The following IGF2BP3 variants were observed in gnomAD, a reference collection of about 807,000 sequenced individuals.
The protein encoded by IGF2BP3 is insulin like growth factor 2 mRNA binding protein 3.
IGF2BP3 carries 9 observed loss-of-function variants against 73.8 expected under a neutral mutation model. That is an observed-to-expected ratio of 0.12 (90% CI 0.07 to 0.21). The LOEUF is 0.21. IGF2BP3 is among the 10% of genes least tolerant of loss of function. The pLI is 1.00. For synonymous variants in IGF2BP3, 258 were observed against 256.7 expected, an observed-to-expected ratio of 1.01 and a Z score of -0.05; for missense variants, 542 against 714.0, an observed-to-expected ratio of 0.76 and a Z score of 2.75.
intron 2 of IGF2BP3, among the ~76,000 whole-genome samples, chr7:23,441,636 G>GA (rs1350391947): frequency 6.6e-4 from 79 of 120,514 alleles, no homozygotes; most frequent in South Asian, 3.3e-3. Context: ...TAGATTTAGG[G>GA]AAAAAAAAAA....
intron 8 of IGF2BP3, 52 bp downstream of exon 8, chr7:23,345,888 G>C: frequency 6.3e-7 from 1 of 1,588,052 alleles, no homozygotes; most frequent in East Asian, 2.2e-5. Context: ...TACACAACAT[G>C]CAGCTTACAG....
At chr7:23,386,437 A>G (rs1450038249) in intron 3 of IGF2BP3, among the ~76,000 whole-genome samples, 1 of 152,204 alleles carries the variant, frequency 6.6e-6, no homozygotes, top group Non-Finnish European at 1.5e-5. Flanking sequence ...ACCAACAAAA[A>G]ACCACCACAC....
chr7:23,455,399 G>A (rs965162176), intron 2 of IGF2BP3, among the ~76,000 whole-genome samples: 1 of 152,092 alleles, frequency 6.6e-6, no homozygotes, highest in Non-Finnish European at 1.5e-5. Context: ...GGGTGCACAC[G>A]GTTATTAGCC....
intron 3 of IGF2BP3, among the ~76,000 whole-genome samples, chr7:23,390,078 T>G (rs1317714275): frequency 6.6e-6 from 1 of 152,178 alleles, no homozygotes; most frequent in Non-Finnish European, 1.5e-5. Context: ...TGGCTAATAT[T>G]TTGAATTATG....
At chr7:23,381,854 T>C (rs931777041) in intron 3 of IGF2BP3, among the ~76,000 whole-genome samples, 4 of 152,166 alleles carry the variant, frequency 2.6e-5, no homozygotes, top group Non-Finnish European at 4.4e-5. Flanking sequence ...ATTACAGGCT[T>C]GAGCCAATGC....
chr7:23,347,885 A>T (rs1477414848), intron 6 of IGF2BP3, 151 bp from the exon 7 acceptor site: 7 of 802,978 alleles, frequency 8.7e-6, no homozygotes, highest in African/African-American at 5.3e-5. Flanking sequence ...TAAGCTGTCA[A>T]CATTAATGCC....
At chr7:23,465,978 C>A (rs1310758313) in intron 2 of IGF2BP3, among the ~76,000 whole-genome samples, 1 of 151,198 alleles carries the variant, frequency 6.6e-6, no homozygotes, top group African/African-American at 2.4e-5. Context: ...CTCCAAGGGT[C>A]AGTTAAAATA....
intron 3 of IGF2BP3, among the ~76,000 whole-genome samples, chr7:23,404,462 A>G (rs1786765811): frequency 6.6e-6 from 1 of 152,194 alleles, no homozygotes; most frequent in Non-Finnish European, 1.5e-5. Context: ...AAATCCAGCA[A>G]GATGAACACA....
At chr7:23,327,129 T>C (rs1784321999) in intron 10 of IGF2BP3, among the ~76,000 whole-genome samples, 1 of 152,106 alleles carries the variant, frequency 6.6e-6, no homozygotes, top group Non-Finnish European at 1.5e-5. Context: ...AACTTAGACA[T>C]GAACTACTTG....
chr7:23,355,310 C>T (rs1785067936), intron 5 of IGF2BP3, among the ~76,000 whole-genome samples: 1 of 152,052 alleles, frequency 6.6e-6, no homozygotes, highest in East Asian at 1.9e-4. Flanking sequence ...CTGCAACCTC[C>T]ACCTCCTTGG....
chr7:23,459,629 G>A (rs1431758855), intron 2 of IGF2BP3, among the ~76,000 whole-genome samples: 3 of 151,434 alleles, frequency 2.0e-5, no homozygotes, highest in African/African-American at 7.3e-5. Context: ...TCAGGAGTTC[G>A]AGACCAGCCT....
At chr7:23,467,735 A>T (rs1425368431) in intron 2 of IGF2BP3, 5 of 152,432 alleles carry the variant, frequency 3.3e-5, no homozygotes, top group Middle Eastern at 3.4e-3. Context: ...AGGCTAAAAC[A>T]GTCTATAAAC....
At chr7:23,432,527 C>T (rs774565141) in intron 2 of IGF2BP3, among the ~76,000 whole-genome samples, 1 of 151,504 alleles carries the variant, frequency 6.6e-6, no homozygotes, top group African/African-American at 2.4e-5. Flanking sequence ...AGGAAAAAAA[C>T]AAACAAACAA....
At chr7:23,349,139 T>A (rs1008294566) in intron 6 of IGF2BP3, among the ~76,000 whole-genome samples, 1 of 152,324 alleles carries the variant, frequency 6.6e-6, no homozygotes, top group South Asian at 2.1e-4. Context: ...CATTTTTTAA[T>A]AAGTACAAGA....
chr7:23,398,825 G>A (rs1378184166), intron 3 of IGF2BP3, among the ~76,000 whole-genome samples: 1 of 152,194 alleles, frequency 6.6e-6, no homozygotes, highest in Non-Finnish European at 1.5e-5. Context: ...TGTCAGATGA[G>A]TAGGTTGCAA....
intron 5 of IGF2BP3, among the ~76,000 whole-genome samples, chr7:23,354,735 T>C (rs899619051): frequency 6.6e-6 from 1 of 152,214 alleles, no homozygotes; most frequent in Non-Finnish European, 1.5e-5. Flanking sequence ...AGAGGTCAGG[T>C]GGCCCGGGGC....
At chr7:23,454,475 T>G (rs1788270534) in intron 2 of IGF2BP3, among the ~76,000 whole-genome samples, 1 of 152,206 alleles carries the variant, frequency 6.6e-6, no homozygotes, top group Non-Finnish European at 1.5e-5. Flanking sequence ...CATTTTCCAC[T>G]ACCACATGGT....
chr7:23,403,762 A>T (rs923145403), intron 3 of IGF2BP3, among the ~76,000 whole-genome samples: 21 of 152,190 alleles, frequency 1.4e-4, no homozygotes, highest in Non-Finnish European at 7.4e-5. Context: ...TTTAAAAATA[A>T]GAATAGCACA....
intron 3 of IGF2BP3, chr7:23,402,591 G>A (rs1786701898): frequency 1.3e-5 from 2 of 152,060 alleles, no homozygotes; most frequent in Admixed American, 1.3e-4. Context: ...GGTGACTGTG[G>A]GAAGAAAAAG....
Sources: gnomAD v4.1 joint callset for allele counts (sites outside exome capture counted in the v4.1 genomes callset) on GRCh38, gnomAD v4.1.1 for gene constraint, MANE v1.5 for transcripts, NCBI Gene and HGNC (gene_info 2026-07-23, HGNC 2026-07-21) for gene names.